TLE3: variants seen among roughly 807,000 people sequenced by gnomAD.
The protein encoded by TLE3 is transducin-like enhancer protein 3.
TLE3 carries 14 observed loss-of-function variants against 93.0 expected under a neutral mutation model. The observed-to-expected ratio is 0.15, with a 90% confidence interval of 0.10 to 0.24. The LOEUF is 0.24. Among genes scored for constraint, TLE3 ranks in the 10% least tolerant of loss-of-function variants. TLE3 has a pLI of 1.00. For synonymous variants in TLE3, 451 were observed against 425.0 expected, an observed-to-expected ratio of 1.06 and a Z score of -0.75; for missense variants, 693 against 1,046.6, an observed-to-expected ratio of 0.66 and a Z score of 4.66.
rs761057402 is a variant in TLE3 at position 70,058,188 on chromosome 15, G to T, written c.1022C>A (p.Pro341Gln). ...TSTTPGLRSM[P>Q]GKPPGMDPIA... is the part of the protein sequence containing the mutation. ...CGGGTCCATGCCCGGAGGTTTACCC[G>T]GCATCGACCTGAGCCCTGGGGTCGT... The change falls in exon 12 of 20, where the codon CCG becomes CAG. Residue 341 changes from proline (P) to glutamine (Q), a missense_variant. Physicochemically the swap from Pro to Gln is moderately conservative, Grantham distance 76. This residue lies in a region of TLE3 where 405 missense variants were observed against 468.9 expected (regional missense o/e 0.86). Transcript: ENST00000451782. The surrounding 1 kb of genome is among the most constrained non-coding windows in gnomAD (Gnocchi z 4.1). 8.7e-6 allele frequency: 14 copies of T among 1,613,834 alleles called. No individual in the cohort carries two copies. The East Asian group carries it at 3.1e-4, about 36-fold the overall frequency.
At chr15:70,089,408 T>C (rs2058194862) in intron 4 of TLE3, among the ~76,000 whole-genome samples, 1 of 152,078 alleles carries the variant, frequency 6.6e-6, no homozygotes, top group African/African-American at 2.4e-5. Context: ...CCCTAATAAC[T>C]GCTTTGGGAA....
At chr15:70,056,695 C>A (rs2056062922) in intron 13 of TLE3, among the ~76,000 whole-genome samples, 2 of 152,138 alleles carry the variant, frequency 1.3e-5, no homozygotes, top group South Asian at 4.1e-4. Flanking sequence ...CACCCCAGGT[C>A]CAGGAGGTAA....
intron 6 of TLE3, among the ~76,000 whole-genome samples, chr15:70,067,245 T>C (rs572694787): frequency 3.3e-5 from 5 of 152,304 alleles, no homozygotes; most frequent in South Asian, 4.1e-4. Flanking sequence ...CCCACCCAAC[T>C]TCTTCTCCAC....
At chr15:70,069,263 C>A (rs1461566926) in intron 6 of TLE3, among the ~76,000 whole-genome samples, 1 of 152,338 alleles carries the variant, frequency 6.6e-6, no homozygotes, top group Non-Finnish European at 1.5e-5. Context: ...CCTCCCAGCT[C>A]CATGCCTTCC....
chr15:70,067,319 G>A (rs1214469434), intron 6 of TLE3, among the ~76,000 whole-genome samples: 1 of 152,210 alleles, frequency 6.6e-6, no homozygotes, highest in Admixed American at 6.5e-5. Flanking sequence ...CTCAACTAGT[G>A]CAAGAGAAGA....
At chr15:70,096,721 C>G (rs577776981) in intron 1 of TLE3, 54 bp downstream of exon 1, 2 of 1,605,302 alleles carry the variant, frequency 1.2e-6, no homozygotes, top group South Asian at 2.2e-5. Flanking sequence ...GATAAACTGC[C>G]TCGTTTACCC....
At chr15:70,053,182 G>A in intron 17 of TLE3, 45 bp downstream of exon 17, 3 of 1,585,092 alleles carry the variant, frequency 1.9e-6, no homozygotes, top group South Asian at 1.2e-5. Flanking sequence ...CCGGAGGGAG[G>A]GAACACACTG....
At chr15:70,083,093 G>A (rs1012101496) in intron 4 of TLE3, among the ~76,000 whole-genome samples, 10 of 152,136 alleles carry the variant, frequency 6.6e-5, no homozygotes, top group East Asian at 1.9e-4. Flanking sequence ...CTCAGTTTCC[G>A]AATAAAGAAG....
In TLE3 at chr15:70,052,480, C is replaced by T. The variant is rs2055634461; in HGVS notation, c.2019G>A (p.Val673=). Residue 673 remains valine, a synonymous_variant, in exon 18 of 20, where the codon GTG becomes GTA. Transcript: ENST00000451782. ...CCTCCACGTTGCTGCTCTCCATGCC[C>T]ACAGCCAGCCACTCCCCAGTGGGGC... ...GYCPTGEWLA[V]GMESSNVEVL... is the part of the protein sequence containing the mutation. The T allele has an allele frequency of 6.2e-7, 1 of 1,613,736 alleles. No homozygotes were observed. The highest frequency in any genetic ancestry group is 8.5e-7 in the Non-Finnish European group (1 of 1,179,890).
intron 6 of TLE3, among the ~76,000 whole-genome samples, chr15:70,074,254 A>G (rs2057330506): frequency 6.6e-6 from 1 of 152,214 alleles, no homozygotes; most frequent in South Asian, 2.1e-4. Flanking sequence ...CTCAATGGCA[A>G]GGACACCAAA....
At chr15:70,055,396 G>T in intron 14 of TLE3, 98 bp from the exon 15 acceptor site, 2 of 1,484,070 alleles carry the variant, frequency 1.3e-6, no homozygotes, top group African/African-American at 1.4e-5. Flanking sequence ...CCGACTGGCT[G>T]CCCTGCCTCT....
Position 70,064,467 on chromosome 15 carries a change from C to T in TLE3, c.581G>A (p.Arg194Lys), listed in dbSNP as rs1238588577. 3.1e-6 allele frequency: 5 copies of T among 1,613,830 alleles called. No homozygotes were observed. Among genetic ancestry groups the T allele is most frequent in the Admixed American group, 1.7e-5 (1 of 59,992 alleles). ...KNHHELDHRE[R>K]ESSANNSVSP... ...GCCAACACTTACCGCACTGGATTCTCTCTCTTTGGGGAAAGAAGGCCAGGA... is the reference window on the plus strand; with the variant it reads ...GCCAACACTTACCGCACTGGATTCTTTCTCTTTGGGGAAAGAAGGCCAGGA... Residue 194 changes from arginine (R) to lysine (K), a missense_variant, in exon 8 of 20, where the codon AGA (arginine) becomes AAA (lysine). Physicochemically the swap from Arg to Lys is conservative, Grantham distance 26 (BLOSUM62 2). Transcript: ENST00000451782.
rs1037952859 is a variant in TLE3 at position 70,058,598 on chromosome 15, G to A, written c.918+65C>T. 31 of 1,499,400 alleles carry A rather than the reference G, an allele frequency of 2.1e-5. No homozygotes were observed. Among genetic ancestry groups the A allele is most frequent in the African/African-American group, 7.0e-5 (5 of 71,232 alleles). The allele number at this position is 1,499,400 out of a possible 1,614,324, so 92.9% of individuals were successfully genotyped here. A position where few individuals can be genotyped will look rare whatever the true frequency, so the allele number is the denominator to read the frequency against. On this transcript the variant is annotated intron_variant, in intron 11 of 19. Coordinates refer to ENST00000451782, the MANE Select transcript of TLE3 (RefSeq NM_001105192.3). The surrounding 1 kb of genome is among the most constrained non-coding windows in gnomAD (Gnocchi z 4.1). Reference sequence around the variant, plus strand: ...CACTCCACCCCTCTGCCTGCCAATCGGCACCACCCCAGCTCCAGTCCCTGC... The same window carrying A: ...CACTCCACCCCTCTGCCTGCCAATCAGCACCACCCCAGCTCCAGTCCCTGC...
chr15:70,059,573 C>A, intron 9 of TLE3, 113 bp from the exon 10 acceptor site: 1 of 988,682 alleles, frequency 1.0e-6, no homozygotes, highest in Non-Finnish European at 1.5e-6. Context: ...CCAGGCCAAA[C>A]CCCAAAGTCC....
Position 70,074,607 on chromosome 15 carries a change from G to C in TLE3, c.298C>G (p.His100Asp). The change falls in exon 6 of 20, where the codon CAC (histidine) becomes GAC (aspartate). Residue 100 changes from histidine (H) to aspartate (D), a missense_variant and splice_region_variant. Physicochemically the swap from His to Asp is moderately conservative, Grantham distance 81 (BLOSUM62 -1). Transcript: ENST00000451782. ...ACTGCCTGCGCCACCTGCTGCTGGT[G>C]CTGGAGGGAAGAGGGTGTGCGTTAG... ...AQIMPFLSQE[H>D]QQQVAQAVER... 6.2e-7 allele frequency: 1 copy of C among 1,608,972 alleles called. No homozygotes were observed. The highest frequency in any genetic ancestry group is 8.5e-7 in the Non-Finnish European group (1 of 1,177,864).
In TLE3 at chr15:70,069,893, C is replaced by T. The variant is rs78122151; in HGVS notation, c.373-3675G>A. Reference sequence around the variant, plus strand: ...AGCTATCCTCAGGCTGTATTCCTATCCCCTGCAACACGTCTGCTGGCTTCA... The same window carrying T: ...AGCTATCCTCAGGCTGTATTCCTATTCCCTGCAACACGTCTGCTGGCTTCA... On this transcript the variant is annotated intron_variant, in intron 6 of 19. Coordinates refer to ENST00000451782, the MANE Select transcript of TLE3 (RefSeq NM_001105192.3). 8.5e-5 allele frequency among the ~76,000 whole-genome samples: 13 copies of T among 152,390 alleles called. No individual in the cohort carries two copies. The East Asian group carries it at 9.6e-4, about 11-fold the overall frequency.
intron 8 of TLE3, among the ~76,000 whole-genome samples, chr15:70,061,119 G>C (rs1368399329): frequency 3.9e-5 from 6 of 152,158 alleles, no homozygotes. Flanking sequence ...AGCCCGACAG[G>C]AATGGGGAGA....
At position 70,074,515 on chromosome 15, in the gene TLE3, A is replaced by AT. The variant is rs1405424711; in HGVS notation, c.372+17dup. 6.2e-7 allele frequency: 1 copy of AT among 1,609,202 alleles called. No homozygotes were observed. Among genetic ancestry groups the AT allele is most frequent in the Non-Finnish European group, 8.5e-7 (1 of 1,177,630 alleles). The stretch of plus-strand genomic sequence containing the variant: ...GGGCTATACACACGGTAAGAGGCAG[A>AT]TTGGGGAGTCCACGTACCCCGATGA... On this transcript the variant is annotated intron_variant, in intron 6 of 19. Coordinates refer to ENST00000451782, the MANE Select transcript of TLE3 (RefSeq NM_001105192.3).
chr15:70,081,097 G>A (rs953035606), intron 4 of TLE3, among the ~76,000 whole-genome samples: 3 of 152,162 alleles, frequency 2.0e-5, no homozygotes, highest in Admixed American at 1.3e-4. Context: ...CCAACGCCAC[G>A]CAGAGATGAG....
Sources: gnomAD v4.1 joint callset for allele counts (sites outside exome capture counted in the v4.1 genomes callset) on GRCh38, gnomAD v4.1.1 for gene constraint, gnomAD v4.1.1 regional missense constraint, Gnocchi (gnomAD v3.1) non-coding constraint, MANE v1.5 for transcripts, NCBI Gene and HGNC (gene_info 2026-07-23, HGNC 2026-07-21) for gene names.